Variants in DMXL1 observed in about 807,000 individuals in gnomAD.
The protein encoded by DMXL1 is dmX-like protein 1.
Under a neutral mutation model 319.2 loss-of-function variants are expected in DMXL1, and 99 were observed. The ratio of observed to expected loss-of-function variants is 0.31; its 90% confidence interval spans 0.26 to 0.37. The LOEUF is 0.37. DMXL1 is among the 10% of genes least tolerant of loss of function. The pLI, the probability that DMXL1 is intolerant of heterozygous loss-of-function variation, is 1.00. For missense variants in DMXL1, 3,745 were observed against 3,595.6 expected (o/e 1.04, Z -1.06); for synonymous variants, 1,385 against 1,235.2 (o/e 1.12, Z -2.54).
intron 5 of DMXL1, among the ~76,000 whole-genome samples, chr5:119,112,128 A>T (rs1759768160): frequency 6.6e-6 from 1 of 152,024 alleles, no homozygotes; most frequent in Non-Finnish European, 1.5e-5. Context: ...TGCCCGGCTA[A>T]TTTTTTGTGT....
chr5:119,087,729 C>G (rs1371388894), intron 1 of DMXL1, among the ~76,000 whole-genome samples: 1 of 152,036 alleles, frequency 6.6e-6, no homozygotes. Context: ...CTGTCTATTA[C>G]TGAGAGTGGG....
chr5:119,152,656 C>T (rs1770077401), intron 19 of DMXL1, among the ~76,000 whole-genome samples: 1 of 152,104 alleles, frequency 6.6e-6, no homozygotes, highest in Non-Finnish European at 1.5e-5. Context: ...TTGTAGGTAC[C>T]AGAAAATAAC....
At chr5:119,132,636 C>T in intron 10 of DMXL1, 1 of 379,516 alleles carries the variant, frequency 2.6e-6, no homozygotes, top group Non-Finnish European at 5.1e-6. Flanking sequence ...GAGATCACGC[C>T]ACTGTACTCC....
intron 25 of DMXL1, 83 bp from the exon 26 acceptor site, chr5:119,175,178 A>C: frequency 9.7e-7 from 1 of 1,026,076 alleles, no homozygotes; most frequent in Non-Finnish European, 1.4e-6. Context: ...ATTCTTTTAA[A>C]AATGCTGATT....
At chr5:119,078,937 A>G (rs904991282) in intron 1 of DMXL1, among the ~76,000 whole-genome samples, 7 of 152,192 alleles carry the variant, frequency 4.6e-5, no homozygotes, top group Admixed American at 1.3e-4. Context: ...TGTTGCCAGT[A>G]TCCTTTAACT....
At chr5:119,219,440 A>G (rs1233583882) in intron 35 of DMXL1, among the ~76,000 whole-genome samples, 2 of 152,226 alleles carry the variant, frequency 1.3e-5, no homozygotes, top group Admixed American at 6.5e-5. Flanking sequence ...ATTTATTTCT[A>G]AGGTCTCAGT....
At position 119,248,868 on chromosome 5, in the gene DMXL1, T is replaced by C. The variant is rs951179152; in HGVS notation, c.*1649T>C. The stretch of plus-strand genomic sequence containing the variant: ...TTTGCCATGGAGAAATCTGACAGCA[T>C]TGCAAACAATAGTATTGTTTGATGT... On this transcript the variant is annotated 3_prime_UTR_variant, in exon 44 of 44. Coordinates refer to ENST00000539542, the MANE Select transcript of DMXL1 (RefSeq NM_001290321.3). The C allele has an allele frequency of 6.6e-6, 1 of 152,510 alleles. No homozygotes were observed. Among genetic ancestry groups the C allele is most frequent in the Non-Finnish European group, 1.5e-5 (1 of 67,948 alleles). The allele number at this position is 152,510 out of a possible 1,614,324, so 9.4% of individuals were successfully genotyped here.
chr5:119,171,769 G>GT lies in DMXL1; in HGVS notation c.6490-4dup. On this transcript the variant is annotated splice_polypyrimidine_tract_variant and intron_variant, in intron 24 of 43. Coordinates refer to ENST00000539542, the MANE Select transcript of DMXL1 (RefSeq NM_001290321.3). ...GTTGGTTAACCTTTTATCCCTCTTT[G>GT]TTTTTAAGGAAACATCAGAACCACT... The GT allele has an allele frequency of 1.3e-5, 21 of 1,597,780 alleles. No individual in the cohort carries two copies. The highest frequency in any genetic ancestry group is 1.8e-5 in the Non-Finnish European group (21 of 1,172,906).
At chr5:119,214,547 C>T (rs925579909) in intron 34 of DMXL1, among the ~76,000 whole-genome samples, 2 of 152,134 alleles carry the variant, frequency 1.3e-5, no homozygotes, top group African/African-American at 4.8e-5. Context: ...CCTTTATCTC[C>T]AATCTTATCT....
chr5:119,188,156 AAAAG>A (rs1778079520), intron 28 of DMXL1, among the ~76,000 whole-genome samples: 1 of 152,276 alleles, frequency 6.6e-6, no homozygotes, highest in Non-Finnish European at 1.5e-5. Flanking sequence ...GTAAAAGAAA[AAAAG>A]AAAACTATTT....
intron 37 of DMXL1, among the ~76,000 whole-genome samples, chr5:119,222,048 A>G (rs1392765337): frequency 6.6e-6 from 1 of 152,122 alleles, no homozygotes; most frequent in Non-Finnish European, 1.5e-5. Context: ...CTTGGCCAAA[A>G]AAAAAATTAT....
intron 3 of DMXL1, among the ~76,000 whole-genome samples, chr5:119,102,505 T>A (rs547035787): frequency 2.0e-5 from 3 of 152,352 alleles, no homozygotes; most frequent in African/African-American, 7.2e-5. Context: ...CAATAATTTA[T>A]AAATATTCGA....
intron 22 of DMXL1, among the ~76,000 whole-genome samples, chr5:119,167,329 G>A (rs11953026): frequency 0.23 from 34,617 of 151,864 alleles, 4,422 homozygotes; most frequent in East Asian, 0.57. Context: ...TTAAATTGAC[G>A]TCATTTAAAT....
chr5:119,138,241 G>A lies in DMXL1; in HGVS notation c.2376+3852G>A, dbSNP rs533502073. Among the ~76,000 whole-genome samples, 61 of 152,200 alleles carry A rather than the reference G, an allele frequency of 4.0e-4. 1 individual carries two copies. The South Asian group carries it at 0.012, about 30-fold the overall frequency. On this transcript the variant is annotated intron_variant, in intron 13 of 43. Transcript: ENST00000539542. ...GAATAGCTATGAATGGACTGGATGC[G>A]GTATGTGTGAGAAAAAAAGAGGACT...
At chr5:119,108,176 A>G (rs958085409) in intron 4 of DMXL1, among the ~76,000 whole-genome samples, 1 of 152,142 alleles carries the variant, frequency 6.6e-6, no homozygotes, top group Non-Finnish European at 1.5e-5. Flanking sequence ...CAGCCTGGGC[A>G]ACATAGCAAG....
At chr5:119,153,339 G>A (rs1770264849) in intron 19 of DMXL1, among the ~76,000 whole-genome samples, 1 of 152,042 alleles carries the variant, frequency 6.6e-6, no homozygotes, top group African/African-American at 2.4e-5. Context: ...TATTTATAGG[G>A]TACAAAGTAA....
rs766177037 is a variant in DMXL1, at chr5:119,162,650, A to T, written c.4703-1857A>T. ...ACATTGCAGGTTAAGTTTCAACATG[A>T]AATCTGAAGGGATATAAATATGCAA... On this transcript the variant is annotated intron_variant, in intron 19 of 43. Coordinates refer to ENST00000539542, the MANE Select transcript of DMXL1 (RefSeq NM_001290321.3). 2.0e-5 allele frequency among the ~76,000 whole-genome samples: 3 copies of T among 152,236 alleles called. 1 individual carries two copies. The South Asian group carries it at 6.2e-4, about 32-fold the overall frequency.
chr5:119,206,954 C>G (rs1478135478), intron 34 of DMXL1, 58 bp downstream of exon 34: 1 of 1,062,180 alleles, frequency 9.4e-7, no homozygotes, highest in Non-Finnish European at 1.4e-6. Context: ...AAGAACAAAG[C>G]ATTTGCATTT....
intron 40 of DMXL1, among the ~76,000 whole-genome samples, chr5:119,238,465 A>G (rs185155831): frequency 3.3e-5 from 5 of 152,250 alleles, no homozygotes; most frequent in Admixed American, 2.6e-4. Flanking sequence ...TTTGATGACT[A>G]TTAGTAATTT....
Sources: allele counts gnomAD v4.1 joint callset (sites outside exome capture counted in the v4.1 genomes callset), GRCh38; gene constraint gnomAD v4.1.1; transcripts MANE v1.5; gene names NCBI Gene and HGNC (gene_info 2026-07-23, HGNC 2026-07-21).